SH3PXD2B: variants seen among roughly 807,000 people sequenced by gnomAD.
SH3PXD2B encodes SH3 and PX domain-containing protein 2B.
Under a neutral mutation model 73.1 loss-of-function variants are expected in SH3PXD2B, and 37 were observed. That is an observed-to-expected ratio of 0.51 (90% CI 0.39 to 0.67). SH3PXD2B has a LOEUF of 0.67. Among genes scored for constraint, SH3PXD2B ranks in the 30% least tolerant of loss-of-function variants. The pLI is 0.00. For missense variants in SH3PXD2B, 1,053 were observed against 1,197.8 expected (o/e 0.88, Z 1.78); for synonymous variants, 457 against 480.5 (o/e 0.95, Z 0.64).
chr5:172,329,516 T>C (rs958121744), downstream of SH3PXD2B, among the ~76,000 whole-genome samples: 2 of 149,646 alleles, frequency 1.3e-5, no homozygotes, highest in African/African-American at 2.5e-5. Context: ...TTGTAGGATC[T>C]GGGCCTCCTG....
chr5:172,439,238 G>GAAAAAAAAAAA (rs922645535), intron 1 of SH3PXD2B, among the ~76,000 whole-genome samples: 6 of 33,214 alleles, frequency 1.8e-4, no homozygotes, highest in African/African-American at 8.7e-4. Flanking sequence ...AGAAAAAACA[G>GAAAAAAAAAAA]AAAAAAAAAA....
Position 172,339,824 on chromosome 5 carries a change from C to T in SH3PXD2B, c.1281G>A (p.Lys427=), listed in dbSNP as rs766215168. The change falls in exon 13 of 13, where the codon AAG becomes AAA. Residue 427 remains lysine (K), a synonymous_variant. Coordinates refer to ENST00000311601, the MANE Select transcript of SH3PXD2B (RefSeq NM_001017995.3). This position sits in a 1 kb window ranked among gnomAD's most constrained non-coding sequence, Gnocchi z 6.1. ...APATFIDKYK[K]TSNASRPNFL... ...AGTTGGGTCTCGACGCGTTGCTCGTCTTCTTGTACTTGTCAATGAAGGTGG... is the reference window on the plus strand; with the variant it reads ...AGTTGGGTCTCGACGCGTTGCTCGTTTTCTTGTACTTGTCAATGAAGGTGG... The T allele has an allele frequency of 6.8e-6, 11 of 1,614,162 alleles. No individual in the cohort carries two copies. The highest frequency in any genetic ancestry group is 9.3e-6 in the Non-Finnish European group (11 of 1,179,956).
At position 172,348,053 on chromosome 5, in the gene SH3PXD2B, C is replaced by A. The variant is rs138300735; in HGVS notation, c.1013-721G>T. Among the ~76,000 whole-genome samples the A allele has an allele frequency of 6.0e-3, 906 of 152,258 alleles. 8 individuals are homozygous for A. The highest frequency in any genetic ancestry group is 0.021 in the African/African-American group (872 of 41,552). ...GGGTCCATACAGAAGGGTAGTTTGG[C>A]GTTGGGGTGCGGAGGAGACTGCTAA... is the stretch of plus-strand genomic sequence containing the variant. On this transcript the variant is annotated intron_variant, in intron 10 of 12. Transcript: ENST00000311601.
intron 12 of SH3PXD2B, among the ~76,000 whole-genome samples, chr5:172,343,848 G>A (rs755656227): frequency 2.0e-5 from 3 of 151,674 alleles, no homozygotes; most frequent in Non-Finnish European, 4.4e-5. Context: ...AAAGAAAAGA[G>A]TGTGGGCTTT....
rs1561908520 is a variant in SH3PXD2B, at chr5:172,368,652, A to ATATATATATTATATATATATAAC, written c.427+5137_427+5138insGTTATATATATATAATATATATA. ...TATAATATATATGTTATATATATAA[A>ATATATATATTATATATATATAAC]ATATATATATTATATATATATAAAA... On this transcript the variant is annotated intron_variant, in intron 6 of 12. Transcript: ENST00000311601. Among the ~76,000 whole-genome samples, 5 of 11,656 alleles carry ATATATATATTATATATATATAAC rather than the reference A, an allele frequency of 4.3e-4. 1 individual carries two copies. Among genetic ancestry groups the ATATATATATTATATATATATAAC allele is most frequent in the Admixed American group, 3.8e-3 (2 of 520 alleles). 7.6% of individuals were successfully genotyped at this position (11,656 alleles called of 152,430 possible).
intron 4 of SH3PXD2B, among the ~76,000 whole-genome samples, chr5:172,386,616 C>T (rs1275147433): frequency 5.3e-5 from 8 of 151,656 alleles, no homozygotes; most frequent in Admixed American, 5.3e-4. Flanking sequence ...ACATGATACC[C>T]ATTTGTTTTG....
At chr5:172,344,521 G>C (rs1756937902) in intron 12 of SH3PXD2B, among the ~76,000 whole-genome samples, 1 of 147,834 alleles carries the variant, frequency 6.8e-6, no homozygotes, top group Admixed American at 6.8e-5. Flanking sequence ...CTGGGAGGCG[G>C]AGGTTGCAGT....
At chr5:172,423,753 G>A (rs756517433) in intron 1 of SH3PXD2B, among the ~76,000 whole-genome samples, 4 of 152,056 alleles carry the variant, frequency 2.6e-5, no homozygotes, top group Non-Finnish European at 4.4e-5. Flanking sequence ...AGAGATTCTC[G>A]TGCTTTAGCC....
At chr5:172,403,337 T>A (rs1232831719) in intron 3 of SH3PXD2B, among the ~76,000 whole-genome samples, 1 of 152,246 alleles carries the variant, frequency 6.6e-6, no homozygotes, top group Non-Finnish European at 1.5e-5. Context: ...CTTGCTTTTG[T>A]TCTGCTGACG....
rs1756658753 is a variant in SH3PXD2B at position 172,335,232 on chromosome 5, G to T, written c.*3137C>A. ...TGTCACAATTGTGTTAATAAGCAGG[G>T]GTGAGGGGAAGAAAAAAAAATCTCT... On this transcript the variant is annotated 3_prime_UTR_variant, in exon 13 of 13. Transcript: ENST00000311601. 1 of 1,046,924 alleles carries T rather than the reference G, an allele frequency of 9.6e-7. No individual in the cohort carries two copies. Among genetic ancestry groups the T allele is most frequent in the Admixed American group, 5.6e-5 (1 of 18,014 alleles). 64.9% of individuals were successfully genotyped at this position (1,046,924 alleles called of 1,614,324 possible).
intron 5 of SH3PXD2B, among the ~76,000 whole-genome samples, chr5:172,375,050 T>C (rs1307890481): frequency 6.6e-6 from 1 of 152,124 alleles, no homozygotes; most frequent in Non-Finnish European, 1.5e-5. Flanking sequence ...TGAGATATAA[T>C]TGACAAACCA....
chr5:172,391,121 G>A (rs148665088), intron 4 of SH3PXD2B, among the ~76,000 whole-genome samples: 1,943 of 152,212 alleles, frequency 0.013, 15 homozygotes, highest in South Asian at 0.034. Context: ...GATTACAGCC[G>A]TGAGCCACCA....
chr5:172,396,319 A>T (rs1465588799), intron 3 of SH3PXD2B, among the ~76,000 whole-genome samples: 1 of 151,834 alleles, frequency 6.6e-6, no homozygotes, highest in African/African-American at 2.4e-5. Flanking sequence ...GGATGCAGTG[A>T]TCCAAGATCA....
chr5:172,449,082 G>A (rs1213432262), intron 1 of SH3PXD2B, among the ~76,000 whole-genome samples: 1 of 152,182 alleles, frequency 6.6e-6, no homozygotes, highest in Admixed American at 6.5e-5. Flanking sequence ...TAGGCTTCTG[G>A]AGCCTGGCAA....
rs1202231850 is a variant in SH3PXD2B at position 172,335,997 on chromosome 5, A to C, written c.*2372T>G. On this transcript the variant is annotated 3_prime_UTR_variant, in exon 13 of 13. Coordinates refer to ENST00000311601, the MANE Select transcript of SH3PXD2B (RefSeq NM_001017995.3). ...TTTCTGCCTAGAGGAAGGCAGGGCAAGTCTGCTCCTACCCAGCTGACCCCC... is the reference window on the plus strand; with the variant it reads ...TTTCTGCCTAGAGGAAGGCAGGGCACGTCTGCTCCTACCCAGCTGACCCCC... The C allele has an allele frequency of 2.0e-6, 2 of 1,017,446 alleles. No homozygotes were observed. Among genetic ancestry groups the C allele is most frequent in the Non-Finnish European group, 2.3e-6 (2 of 851,588 alleles). 63.0% of individuals were successfully genotyped at this position (1,017,446 alleles called of 1,614,324 possible).
intron 3 of SH3PXD2B, among the ~76,000 whole-genome samples, chr5:172,403,420 C>A (rs563661135): frequency 2.6e-5 from 4 of 152,296 alleles, no homozygotes; most frequent in Admixed American, 2.0e-4. Flanking sequence ...TTGGCCTCAC[C>A]CTCGGCCTTG....
In SH3PXD2B at chr5:172,383,239, T is replaced by A. The variant is rs116296413; in HGVS notation, c.310-1112A>T. On this transcript the variant is annotated intron_variant, in intron 4 of 12. Coordinates refer to ENST00000311601, the MANE Select transcript of SH3PXD2B (RefSeq NM_001017995.3). ...TGGATAGAGGTTCAAAGTCTCCAAG[T>A]TGATGAGGGGTTGAAACAGATCTTC... Among the ~76,000 whole-genome samples, 893 of 152,318 alleles carry A rather than the reference T, an allele frequency of 5.9e-3. 9 individuals carry two copies. Among genetic ancestry groups the A allele is most frequent in the African/African-American group, 0.021 (854 of 41,558 alleles).
chr5:172,428,760 C>T (rs932438056), intron 1 of SH3PXD2B, among the ~76,000 whole-genome samples: 1 of 152,092 alleles, frequency 6.6e-6, no homozygotes, highest in Non-Finnish European at 1.5e-5. Context: ...AACTTGAGCT[C>T]GAGCTCTTGA....
At chr5:172,377,124 G>A (rs1483936197) in intron 5 of SH3PXD2B, among the ~76,000 whole-genome samples, 7 of 152,204 alleles carry the variant, frequency 4.6e-5, no homozygotes, top group African/African-American at 1.7e-4. Context: ...CAGAGCAGAG[G>A]AGTGGGGGCG....
Sources: allele counts gnomAD v4.1 joint callset (sites outside exome capture counted in the v4.1 genomes callset), GRCh38; gene constraint gnomAD v4.1.1; non-coding constraint Gnocchi (gnomAD v3.1); transcripts MANE v1.5; gene names NCBI Gene and HGNC (gene_info 2026-07-23, HGNC 2026-07-21).